Variants in CSMD3 observed in about 807,000 individuals in gnomAD.
The protein encoded by CSMD3 is CUB and sushi domain-containing protein 3.
A neutral mutation model predicts 435.2 loss-of-function variants in CSMD3; 177 were observed. That is an observed-to-expected ratio of 0.41 (90% CI 0.36 to 0.46). CSMD3 has a LOEUF of 0.46. Among genes scored for constraint, CSMD3 ranks in the 20% least tolerant of loss-of-function variants. The pLI is 0.34. For missense variants in CSMD3, 4,265 were observed against 4,504.6 expected, an observed-to-expected ratio of 0.95 and a Z score of 1.52; for synonymous variants, 1,656 against 1,520.5, an observed-to-expected ratio of 1.09 and a Z score of -2.07.
chr8:112,251,218 T>A (rs1416630304), intron 63 of CSMD3, among the ~76,000 whole-genome samples: 1 of 151,804 alleles, frequency 6.6e-6, no homozygotes, highest in African/African-American at 2.4e-5. Flanking sequence ...TCTTTTGCAA[T>A]ATATATTTTT....
intron 13 of CSMD3, among the ~76,000 whole-genome samples, chr8:112,784,090 G>T (rs1380231441): frequency 6.6e-6 from 1 of 151,884 alleles, no homozygotes; most frequent in Non-Finnish European, 1.5e-5. Flanking sequence ...TAAGCCAAAT[G>T]GTCCTAATAG....
intron 30 of CSMD3, among the ~76,000 whole-genome samples, chr8:112,499,581 C>G (rs1464938099): frequency 1.3e-5 from 2 of 152,164 alleles, no homozygotes; most frequent in South Asian, 4.1e-4. Context: ...GAACCAGAAT[C>G]ATACATATCT....
chr8:113,157,609 A>C (rs1165954756), intron 4 of CSMD3, among the ~76,000 whole-genome samples: 1 of 152,090 alleles, frequency 6.6e-6, no homozygotes, highest in Non-Finnish European at 1.5e-5. Flanking sequence ...AAAAATCACT[A>C]AATCCACTGG....
At chr8:112,958,350 T>C (rs374149531) in intron 7 of CSMD3, among the ~76,000 whole-genome samples, 28 of 152,202 alleles carry the variant, frequency 1.8e-4, no homozygotes, top group African/African-American at 6.0e-4. Context: ...GACTGTTTTT[T>C]TGTTTAGTGT....
At chr8:112,653,140 G>A (rs1586896747) in intron 18 of CSMD3, among the ~76,000 whole-genome samples, 1 of 152,056 alleles carries the variant, frequency 6.6e-6, no homozygotes. Context: ...CTTAAATGTT[G>A]GCAATGTACA....
intron 40 of CSMD3, 52 bp from the exon 41 acceptor site, chr8:112,346,265 G>C (rs1282238920): frequency 9.3e-7 from 1 of 1,071,406 alleles, no homozygotes; most frequent in Non-Finnish European, 1.5e-6. Flanking sequence ...ATAATTTACT[G>C]TATTAAAAAA....
intron 3 of CSMD3, among the ~76,000 whole-genome samples, chr8:113,229,987 T>G (rs973631659): frequency 6.6e-6 from 1 of 151,700 alleles, no homozygotes; most frequent in Non-Finnish European, 1.5e-5. Flanking sequence ...CCACTGTGTT[T>G]ACCATGTCCA....
chr8:112,705,545 C>T (rs549340280), intron 13 of CSMD3, among the ~76,000 whole-genome samples: 1 of 151,804 alleles, frequency 6.6e-6, no homozygotes, highest in Non-Finnish European at 1.5e-5. Flanking sequence ...CTTTTTCTCC[C>T]GTTAATCTGA....
chr8:113,121,404 G>A (rs1187253270), intron 4 of CSMD3, among the ~76,000 whole-genome samples: 2 of 152,072 alleles, frequency 1.3e-5, no homozygotes, highest in African/African-American at 4.8e-5. Context: ...AGGTGGATTT[G>A]TTAGAAACAA....
rs917628386 is a variant in CSMD3, at chr8:112,479,714, A to G, written c.5279-7007T>C. On this transcript the variant is annotated intron_variant, in intron 31 of 70. Coordinates refer to ENST00000297405, the MANE Select transcript of CSMD3 (RefSeq NM_198123.2). ...CATGGTGTTAGGTCTGCAGATGCTC[A>G]TAATGCAAGTGTGAAGGACGCTTGT... Among the ~76,000 whole-genome samples, 8 of 152,210 alleles carry G rather than the reference A, an allele frequency of 5.3e-5. 1 individual carries two copies. Among genetic ancestry groups the G allele is most frequent in the Admixed American group, 3.9e-4 (6 of 15,284 alleles).
chr8:112,636,999 T>C lies in CSMD3; in HGVS notation c.3533A>G (p.Asn1178Ser). 1 of 1,613,456 alleles carries C rather than the reference T, an allele frequency of 6.2e-7. No homozygotes were observed. Residue 1178 changes from asparagine to serine, a missense_variant, in exon 22 of 71, where the codon AAC becomes AGC. Asn to Ser is a conservative substitution (Grantham distance 46). Around this residue, in one of 3 missense-constraint regions of CSMD3, gnomAD observed 3,255 missense variants for 3,380.2 expected, o/e 0.96. Transcript: ENST00000297405. ...EGFNITFSEY[N>S]LEPCEDPGIP... Reference sequence around the variant, plus strand: ...GCCAGGATCTTCACAAGGTTCAAGGTTATATTCTGTAAATTAGAGAGAAAA... The same window carrying C: ...GCCAGGATCTTCACAAGGTTCAAGGCTATATTCTGTAAATTAGAGAGAAAA...
At chr8:112,304,665 A>G in intron 52 of CSMD3, 56 bp downstream of exon 52, 1 of 1,329,452 alleles carries the variant, frequency 7.5e-7, no homozygotes, top group Non-Finnish European at 1.1e-6. Context: ...ACTGATTCAA[A>G]CAATTCGATA....
chr8:112,281,107 A>C (rs2130575522), intron 59 of CSMD3, 67 bp downstream of exon 59: 1 of 1,220,904 alleles, frequency 8.2e-7, no homozygotes. Context: ...AAACACACAA[A>C]AATACTTATA....
chr8:112,832,037 T>G (rs2079890933), intron 11 of CSMD3, among the ~76,000 whole-genome samples: 1 of 152,174 alleles, frequency 6.6e-6, no homozygotes, highest in Non-Finnish European at 1.5e-5. Flanking sequence ...GAAAAGTTAT[T>G]AATTTTACCA....
Position 112,234,497 on chromosome 8 carries a change from T to A in CSMD3, c.10628-20A>T, listed in dbSNP as rs2129946168. On this transcript the variant is annotated intron_variant, in intron 67 of 70. Coordinates refer to ENST00000297405, the MANE Select transcript of CSMD3 (RefSeq NM_198123.2). The stretch of plus-strand genomic sequence containing the variant: ...ATACCCCTGTAAAATGCAAGGACAT[T>A]TTAGTCTACTTAACTTTGTAAATAG... 7.6e-7 allele frequency: 1 copy of A among 1,317,212 alleles called. No individual in the cohort carries two copies. Among genetic ancestry groups the A allele is most frequent in the African/African-American group, 1.4e-5 (1 of 69,206 alleles). 81.6% of individuals were successfully genotyped at this position (1,317,212 alleles called of 1,614,324 possible).
At chr8:112,523,079 G>A (rs1824468547) in intron 27 of CSMD3, among the ~76,000 whole-genome samples, 1 of 151,820 alleles carries the variant, frequency 6.6e-6, no homozygotes, top group Admixed American at 6.6e-5. Flanking sequence ...GTTCTTATGT[G>A]TCCTTTATGT....
At chr8:112,664,137 T>C (rs1455082236) in intron 17 of CSMD3, among the ~76,000 whole-genome samples, 1 of 152,096 alleles carries the variant, frequency 6.6e-6, no homozygotes, top group African/African-American at 2.4e-5. Context: ...TAATGTTTAG[T>C]CCAAAACAAG....
At chr8:112,986,675 A>C (rs572789286) in intron 6 of CSMD3, among the ~76,000 whole-genome samples, 126 of 152,256 alleles carry the variant, frequency 8.3e-4, no homozygotes, top group African/African-American at 2.8e-3. Flanking sequence ...CATATAAAAA[A>C]GTCAGCTTTC....
intron 1 of CSMD3, among the ~76,000 whole-genome samples, chr8:113,403,233 A>G (rs971561344): frequency 1.3e-5 from 2 of 151,390 alleles, no homozygotes; most frequent in Admixed American, 1.3e-4. Context: ...GAATAATTAA[A>G]CAACAAGTGA....
Sources: allele counts gnomAD v4.1 joint callset (sites outside exome capture counted in the v4.1 genomes callset), GRCh38; gene constraint gnomAD v4.1.1; regional missense constraint gnomAD v4.1.1; transcripts MANE v1.5; gene names NCBI Gene and HGNC (gene_info 2026-07-23, HGNC 2026-07-21).